MRPL40: variants seen among roughly 807,000 people sequenced by gnomAD.
MRPL40 encodes the protein mitochondrial ribosomal protein L40.
Under a neutral mutation model 24.5 loss-of-function variants are expected in MRPL40, and 18 were observed. That is an observed-to-expected ratio of 0.73 (90% confidence interval 0.51 to 1.09). The LOEUF is 1.09. Ranked by LOEUF, MRPL40 falls within the 50% of genes least tolerant of loss-of-function variation. The probability of loss-of-function intolerance (pLI) is 0.00; values close to 1 mark genes in which losing one functional copy is unlikely to be tolerated. For missense variants in MRPL40, 256 were observed against 243.8 expected (o/e 1.05, Z -0.33); for synonymous variants, 108 against 94.6 (o/e 1.14, Z -0.82).
In MRPL40 at chr22:19,434,627, C is replaced by A; in HGVS notation, c.138-109C>A. 4.7e-6 allele frequency: 4 copies of A among 858,822 alleles called. No individual in the cohort carries two copies. In the East Asian group the frequency reaches 1.1e-4, roughly 23 times the overall value. The allele number at this position is 858,822 out of a possible 1,614,324, so 53.2% of individuals were successfully genotyped here. A position where few individuals can be genotyped will look rare whatever the true frequency, so the allele number is the denominator to read the frequency against. ...GCTGAGCTCATGAGTTAGTCATGCA[C>A]AGCTCCTTCCCCCAGTGGAGAGGTC... On this transcript the variant is annotated intron_variant, in intron 2 of 3. Coordinates refer to ENST00000333130, the MANE Select transcript of MRPL40 (RefSeq NM_003776.4).
chr22:19,433,189 T>C, intron 1 of MRPL40, 76 bp from the exon 2 acceptor site: 1 of 993,506 alleles, frequency 1.0e-6, no homozygotes, highest in East Asian at 2.6e-5. Flanking sequence ...CCTCCCAAAG[T>C]GCTGGGATTA....
chr22:19,433,074 C>T, intron 1 of MRPL40, 191 bp from the exon 2 acceptor site: 1 of 507,574 alleles, frequency 2.0e-6, no homozygotes, highest in Non-Finnish European at 3.5e-6. Context: ...TTACAGGCGC[C>T]CAACACCACG....
At position 19,432,885 on chromosome 22, in the gene MRPL40, G is replaced by A; in HGVS notation, c.53+278G>A. The A allele has an allele frequency of 4.6e-6, 6 of 1,316,040 alleles. No individual in the cohort carries two copies. The African/African-American group carries it at 6.1e-5, about 13-fold the overall frequency. The allele number at this position is 1,316,040 out of a possible 1,614,324, so 81.5% of individuals were successfully genotyped here. A position where few individuals can be genotyped will look rare whatever the true frequency, so the allele number is the denominator to read the frequency against. On this transcript the variant is annotated intron_variant, in intron 1 of 3. Coordinates refer to ENST00000333130, the MANE Select transcript of MRPL40 (RefSeq NM_003776.4). ...GTAGTTAGAAGTGCCCCGGGTTTGG[G>A]AGCATTGCAATTTTTTATTTTCCTG... is the stretch of plus-strand genomic sequence containing the variant.
chr22:19,434,959 G>T, intron 3 of MRPL40, 65 bp downstream of exon 3: 1 of 1,366,536 alleles, frequency 7.3e-7, no homozygotes, highest in Non-Finnish European at 1.0e-6. Context: ...TCAGGTAGTT[G>T]TGTCTGTAGT....
At position 19,435,941 on chromosome 22, in the gene MRPL40, A is replaced by T. The variant is rs1821525581; in HGVS notation, c.600A>T (p.Thr200=). The T allele has an allele frequency of 6.2e-7, 1 of 1,613,714 alleles. No individual in the cohort carries two copies. Among genetic ancestry groups the T allele is most frequent in the Admixed American group, 1.7e-5 (1 of 59,972 alleles). Residue 200 remains threonine, a synonymous_variant, in exon 4 of 4, where the codon ACA becomes ACT. Coordinates refer to ENST00000333130, the MANE Select transcript of MRPL40 (RefSeq NM_003776.4). ...ACAATGACATCACCAAGGTGTACAC[A>T]CAAGTGGAGTTTAAGAGATAGACTT... ...GRYNDITKVY[T]QVEFKR
At position 19,432,576 on chromosome 22, in the gene MRPL40, A is replaced by G. The variant is rs758603650; in HGVS notation, c.22A>G (p.Ser8Gly). 1.3e-6 allele frequency: 2 copies of G among 1,553,570 alleles called. No individual in the cohort carries two copies. Among genetic ancestry groups the G allele is most frequent in the African/African-American group, 1.4e-5 (1 of 72,456 alleles). The change falls in exon 1 of 4, where the codon AGT becomes GGT. Residue 8 changes from serine to glycine, a missense_variant. Physicochemically the swap from Ser to Gly is moderately conservative, Grantham distance 56. Transcript: ENST00000333130. ...AGCCATGACGGCCTCCGTGCTGCGAAGTATCTCGCTAGCCCTGCGCCCGAC... is the reference window on the plus strand; with the variant it reads ...AGCCATGACGGCCTCCGTGCTGCGAGGTATCTCGCTAGCCCTGCGCCCGAC... MTASVLRSISLALRPTSG... is the reference protein window; with the variant it reads MTASVLRGISLALRPTSG...
In MRPL40 at chr22:19,435,679, G is replaced by C. The variant is rs749943929; in HGVS notation, c.338G>C (p.Arg113Thr). The C allele has an allele frequency of 1.9e-6, 3 of 1,614,002 alleles. No individual in the cohort carries two copies. The African/African-American group carries it at 4.0e-5, about 22-fold the overall frequency. ...GAGCTCACCTTTGAGGAGACTGAGA[G>C]GAGAGCTCTGCTTCTGAAGAAGTGG... ...QVELTFEETE[R>T]RALLLKKWSL... Residue 113 changes from arginine (R) to threonine (T), a missense_variant, in exon 4 of 4, where the codon AGG becomes ACG. Coordinates refer to ENST00000333130, the MANE Select transcript of MRPL40 (RefSeq NM_003776.4).
At chr22:19,434,202 T>C (rs1303580320) in intron 2 of MRPL40, among the ~76,000 whole-genome samples, 2 of 150,580 alleles carry the variant, frequency 1.3e-5, no homozygotes, top group African/African-American at 4.9e-5. Flanking sequence ...CTGATGCCTC[T>C]TGTTGCTTTT....
At chr22:19,432,889 A>G in intron 1 of MRPL40, 4 of 1,301,978 alleles carry the variant, frequency 3.1e-6, no homozygotes, top group Non-Finnish European at 3.9e-6. Context: ...GTTTGGGAGC[A>G]TTGCAATTTT....
intron 3 of MRPL40, 159 bp from the exon 4 acceptor site, chr22:19,435,479 G>A (rs2089581131): frequency 9.5e-6 from 2 of 210,232 alleles, no homozygotes; most frequent in African/African-American, 4.7e-5. Flanking sequence ...CCAAGCATCA[G>A]TTGCAGCTGC....
chr22:19,432,698 T>C, intron 1 of MRPL40, 91 bp downstream of exon 1: 1 of 1,457,968 alleles, frequency 6.9e-7, no homozygotes, highest in Non-Finnish European at 9.1e-7. Context: ...TGCTCCCTGC[T>C]CGCCTCCCAG....
intron 3 of MRPL40, 129 bp downstream of exon 3, chr22:19,435,023 A>G: frequency 2.6e-6 from 2 of 775,762 alleles, no homozygotes; most frequent in Non-Finnish European, 4.2e-6. Context: ...GGCCCTAATG[A>G]GTCCTTGCTC....
At chr22:19,432,640 C>T (rs1240531427) in intron 1 of MRPL40, 33 bp downstream of exon 1, 3 of 1,533,428 alleles carry the variant, frequency 2.0e-6, no homozygotes, top group Non-Finnish European at 1.8e-6. Context: ...TAGCGGAGTG[C>T]CCAGGGCGCG....
At chr22:19,433,230 A>C in intron 1 of MRPL40, 35 bp from the exon 2 acceptor site, 5 of 1,465,288 alleles carry the variant, frequency 3.4e-6, no homozygotes, top group Non-Finnish European at 1.9e-6. Context: ...TAGCCTGGAG[A>C]AGCAGATATT....
In MRPL40 at chr22:19,433,153, C is replaced by T. The variant is rs566299063; in HGVS notation, c.54-112C>T. 39 of 667,438 alleles carry T rather than the reference C, an allele frequency of 5.8e-5. No individual in the cohort carries two copies. The African/African-American group carries it at 6.7e-4, about 11-fold the overall frequency. The allele number at this position is 667,438 out of a possible 1,614,324, so 41.3% of individuals were successfully genotyped here. A position where few individuals can be genotyped will look rare whatever the true frequency, so the allele number is the denominator to read the frequency against. Reference sequence around the variant, plus strand: ...TGTTGGCCAGGCTGGTCTTGAACTCCTGACCTCGCGATCCACCCGCCTCGG... The same window carrying T: ...TGTTGGCCAGGCTGGTCTTGAACTCTTGACCTCGCGATCCACCCGCCTCGG... On this transcript the variant is annotated intron_variant, in intron 1 of 3. Coordinates refer to ENST00000333130, the MANE Select transcript of MRPL40 (RefSeq NM_003776.4).
At chr22:19,433,380 G>A (rs748059030) in intron 2 of MRPL40, 32 bp downstream of exon 2, 2 of 1,332,850 alleles carry the variant, frequency 1.5e-6, no homozygotes, top group East Asian at 4.6e-5. Flanking sequence ...GACCTCTGGG[G>A]GTAAAGGTGT....
Position 19,435,804 on chromosome 22 carries a change from C to T in MRPL40, c.463C>T (p.Pro155Ser), listed in dbSNP as rs758881151. 6.2e-7 allele frequency: 1 copy of T among 1,614,178 alleles called. No individual in the cohort carries two copies. Among genetic ancestry groups the T allele is most frequent in the South Asian group, 1.1e-5 (1 of 91,086 alleles). Residue 155 changes from proline to serine, a missense_variant, in exon 4 of 4, where the codon CCG (proline) becomes TCG (serine). Physicochemically the swap from Pro to Ser is moderately conservative, Grantham distance 74. Coordinates refer to ENST00000333130, the MANE Select transcript of MRPL40 (RefSeq NM_003776.4). ...TCTGGAGGAACTGCAACTGGAATCCCCGAAGCTCCATGCTGAGGCCATCAA... is the reference window on the plus strand; with the variant it reads ...TCTGGAGGAACTGCAACTGGAATCCTCGAAGCTCCATGCTGAGGCCATCAA... Reference protein sequence around the residue: ...EALEELQLESPKLHAEAIKRD... With the variant: ...EALEELQLESSKLHAEAIKRD...
intron 3 of MRPL40, 127 bp downstream of exon 3, chr22:19,435,021 T>C (rs1028467378): frequency 1.3e-6 from 1 of 792,842 alleles, no homozygotes; most frequent in Non-Finnish European, 2.0e-6. Context: ...TTGGCCCTAA[T>C]GAGTCCTTGC....
chr22:19,433,255 T>A lies in MRPL40; in HGVS notation c.54-10T>A, dbSNP rs3747064. 3.7e-3 allele frequency: 5,900 copies of A among 1,592,026 alleles called. 191 individuals carry two copies. In the East Asian group the frequency reaches 0.076, roughly 21 times the overall value. On this transcript the variant is annotated splice_polypyrimidine_tract_variant and intron_variant, in intron 1 of 3. Transcript: ENST00000333130. Reference sequence around the variant, plus strand: ...AAGCAGATATTTATACATACTCTTGTATCTTTCAGGCTTCTGGGAACTTGG... The same window carrying A: ...AAGCAGATATTTATACATACTCTTGAATCTTTCAGGCTTCTGGGAACTTGG...
Sources: allele counts gnomAD v4.1 joint callset (sites outside exome capture counted in the v4.1 genomes callset), GRCh38; gene constraint gnomAD v4.1.1; transcripts MANE v1.5; gene names NCBI Gene and HGNC (gene_info 2026-07-23, HGNC 2026-07-21).